NID2: variants seen among roughly 807,000 people sequenced by gnomAD.
NID2 encodes nidogen 2.
A neutral mutation model predicts 145.4 loss-of-function variants in NID2; 83 were observed. The ratio of observed to expected loss-of-function variants is 0.57; its 90% confidence interval spans 0.48 to 0.69. The LOEUF (loss-of-function observed/expected upper bound fraction) is 0.69. NID2 is among the 30% of genes least tolerant of loss of function. NID2 has a pLI of 0.00. For synonymous variants in NID2, 739 were observed against 701.3 expected (o/e 1.05, Z -0.85); for missense variants, 1,807 against 1,765.7 (o/e 1.02, Z -0.42).
intron 18 of NID2, chr14:52,009,940 C>T (rs750105772): frequency 6.6e-6 from 1 of 152,032 alleles, no homozygotes; most frequent in Non-Finnish European, 1.5e-5. Context: ...TCAGCCGAGA[C>T]TGTGCCACTG....
At chr14:52,030,572 GGAAGGGAAA>G (rs1891801363) in intron 9 of NID2, among the ~76,000 whole-genome samples, 1 of 73,486 alleles carries the variant, frequency 1.4e-5, no homozygotes, top group African/African-American at 5.3e-5. Flanking sequence ...AAGAAAGGAA[GGAAGGGAAA>G]GAAAGAAAGA....
intron 14 of NID2, among the ~76,000 whole-genome samples, chr14:52,017,451 G>A (rs1328632385): frequency 6.6e-6 from 1 of 152,072 alleles, no homozygotes; most frequent in Non-Finnish European, 1.5e-5. Flanking sequence ...GAGAGAGTGT[G>A]GGCAGGAAAA....
At chr14:52,046,578 T>C (rs1204674472) in intron 5 of NID2, among the ~76,000 whole-genome samples, 7 of 151,588 alleles carry the variant, frequency 4.6e-5, no homozygotes, top group Non-Finnish European at 1.0e-4. Context: ...TTTATCTAAG[T>C]AAAAAGAGGC....
chr14:52,068,751 A>T lies in NID2; in HGVS notation c.228+16T>A. On this transcript the variant is annotated intron_variant, in intron 1 of 21. Transcript: ENST00000216286. Reference sequence around the variant, plus strand: ...AAGAAGCTGCGGGAAAAGTGCCAGGAGGGGGCTGAACTTACGTAGAGGTTG... The same window carrying T: ...AAGAAGCTGCGGGAAAAGTGCCAGGTGGGGGCTGAACTTACGTAGAGGTTG... 4.4e-6 allele frequency: 7 copies of T among 1,589,334 alleles called. No individual in the cohort carries two copies. Among genetic ancestry groups the T allele is most frequent in the Non-Finnish European group, 6.0e-6 (7 of 1,169,828 alleles).
chr14:52,068,757 C>A lies in NID2; in HGVS notation c.228+10G>T. The A allele has an allele frequency of 1.3e-6, 2 of 1,595,236 alleles. No homozygotes were observed. The highest frequency in any genetic ancestry group is 2.2e-5 in the South Asian group (2 of 90,920). ...CTGCGGGAAAAGTGCCAGGAGGGGGCTGAACTTACGTAGAGGTTGCTGAAT... is the reference window on the plus strand; with the variant it reads ...CTGCGGGAAAAGTGCCAGGAGGGGGATGAACTTACGTAGAGGTTGCTGAAT... On this transcript the variant is annotated intron_variant, in intron 1 of 21. Transcript: ENST00000216286.
At chr14:52,040,075 G>T (rs1233265334) in intron 8 of NID2, among the ~76,000 whole-genome samples, 1 of 152,138 alleles carries the variant, frequency 6.6e-6, no homozygotes, top group East Asian at 1.9e-4. Context: ...CAAGTAGCTG[G>T]GATCGCAGGA....
chr14:52,062,200 T>C lies in NID2; in HGVS notation c.535-1844A>G, dbSNP rs149140761. On this transcript the variant is annotated intron_variant, in intron 2 of 21. Coordinates refer to ENST00000216286, the MANE Select transcript of NID2 (RefSeq NM_007361.4). ...AAAGAAATATAGATGTAACACACTT[T>C]TCAAGAGAAAATAAAATACAATCAG... Among the ~76,000 whole-genome samples, 462 of 152,366 alleles carry C rather than the reference T, an allele frequency of 3.0e-3. 3 individuals are homozygous for C. The highest frequency in any genetic ancestry group is 0.01 in the African/African-American group (425 of 41,586).
In NID2 at chr14:52,068,842, G is replaced by A. The variant is rs1893319267; in HGVS notation, c.153C>T (p.Gly51=). 6.2e-7 allele frequency: 1 copy of A among 1,612,870 alleles called. No individual in the cohort carries two copies. The highest frequency in any genetic ancestry group is 1.1e-5 in the South Asian group (1 of 91,086). Residue 51 remains glycine (G), a synonymous_variant, in exon 1 of 22, where the codon GGC becomes GGT. Coordinates refer to ENST00000216286, the MANE Select transcript of NID2 (RefSeq NM_007361.4). ...TCACCACGGCTGAGCTTTCGTCGTC[G>A]CCTTCCTGCAGGAGCTGGTCCCCCC... ...ESWGDQLLQE[G]DDESSAVVKL...
chr14:52,027,453 G>A (rs535101330), intron 11 of NID2, 109 bp from the exon 12 acceptor site: 1 of 952,424 alleles, frequency 1.0e-6, no homozygotes, highest in Non-Finnish European at 1.5e-6. Context: ...GGGAATGCAG[G>A]TTCTCAGACC....
At chr14:52,005,956 T>C in intron 20 of NID2, 107 bp from the exon 21 acceptor site, 1 of 769,672 alleles carries the variant, frequency 1.3e-6, no homozygotes, top group Non-Finnish European at 2.2e-6. Flanking sequence ...CTGGCAGCCT[T>C]CTCTGTCCCA....
rs143213136 is a variant in NID2, at chr14:52,062,339, A to C, written c.535-1983T>G. Among the ~76,000 whole-genome samples the C allele has an allele frequency of 1.8e-4, 28 of 152,318 alleles. No homozygotes were observed. In the East Asian group the frequency reaches 5.4e-3, roughly 29 times the overall value. The stretch of plus-strand genomic sequence containing the variant: ...TTATTTGTTATTGTTCCAGTTGTTG[A>C]TTGTTCATCAGCAAAGCTTGACTTT... On this transcript the variant is annotated intron_variant, in intron 2 of 21. Transcript: ENST00000216286.
intron 5 of NID2, among the ~76,000 whole-genome samples, chr14:52,047,548 C>T (rs377304241): frequency 2.0e-5 from 3 of 152,082 alleles, no homozygotes; most frequent in Middle Eastern, 3.4e-3. Context: ...TAACATGCTC[C>T]GACTACAGTA....
In NID2 at chr14:52,068,958, A is replaced by G; in HGVS notation, c.37T>C (p.Ser13Pro). The stretch of plus-strand genomic sequence containing the variant: ...AGCAGCAGTAGCACTGGTAACGACG[A>G]CAGCACCGGCCGCCCGGCCACCCGG... ...GDRVAGRPVLSSLPVLLLLPL... is the reference protein window; with the variant it reads ...GDRVAGRPVLPSLPVLLLLPL... The change falls in exon 1 of 22, where the codon TCG becomes CCG. Residue 13 changes from serine to proline, a missense_variant. Transcript: ENST00000216286. 6.2e-7 allele frequency: 1 copy of G among 1,613,040 alleles called. No individual in the cohort carries two copies. The highest frequency in any genetic ancestry group is 8.5e-7 in the Non-Finnish European group (1 of 1,179,722).
intron 9 of NID2, among the ~76,000 whole-genome samples, chr14:52,038,206 CA>C (rs1426997282): frequency 1.3e-5 from 2 of 152,198 alleles, no homozygotes; most frequent in African/African-American, 4.8e-5. Flanking sequence ...AGTCTTTCAC[CA>C]TTAAGTATAA....
At chr14:52,010,671 TAAAATA>T (rs1469257933) in intron 18 of NID2, 199 bp downstream of exon 18, 1 of 529,454 alleles carries the variant, frequency 1.9e-6, no homozygotes, top group Non-Finnish European at 3.4e-6. Context: ...TTCCTCCTAA[TAAAATA>T]TAAGTGCCAT....
chr14:52,042,953 C>T, intron 5 of NID2, 22 bp from the exon 6 acceptor site: 1 of 1,613,448 alleles, frequency 6.2e-7, no homozygotes, highest in Non-Finnish European at 8.5e-7. Flanking sequence ...AACAAACTTG[C>T]CTTAAAAGGA....
chr14:52,011,087 A>G (rs751234579), intron 17 of NID2, 40 bp from the exon 18 acceptor site: 7 of 1,596,346 alleles, frequency 4.4e-6, no homozygotes, highest in African/African-American at 2.7e-5. Context: ...TGTTTGCAGG[A>G]TATGGAGGGC....
rs1330554865 is a variant in NID2 at position 52,042,118 on chromosome 14, G to A, written c.1812C>T (p.Gly604=). 2 of 1,599,220 alleles carry A rather than the reference G, an allele frequency of 1.3e-6. No homozygotes were observed. The highest frequency in any genetic ancestry group is 1.7e-6 in the Non-Finnish European group (2 of 1,171,162). The stretch of plus-strand genomic sequence containing the variant: ...GGCCCTACTCACCTGCGAGGCTGAA[G>A]CCGTTCTCAGAGCCAGGTTTTTCTA... The part of the protein sequence containing the change: ...FALEKPGSEN[G]FSLAGAAFTH... The change falls in exon 7 of 22, where the codon GGC becomes GGT. Residue 604 remains glycine, a synonymous_variant. Coordinates refer to ENST00000216286, the MANE Select transcript of NID2 (RefSeq NM_007361.4).
At chr14:52,043,529 C>T (rs543889206) in intron 5 of NID2, among the ~76,000 whole-genome samples, 7 of 152,282 alleles carry the variant, frequency 4.6e-5, no homozygotes, top group African/African-American at 1.7e-4. Context: ...ATTAAAATGC[C>T]CTATGCCCTT....
Sources: allele counts gnomAD v4.1 joint callset (sites outside exome capture counted in the v4.1 genomes callset), GRCh38; gene constraint gnomAD v4.1.1; transcripts MANE v1.5; gene names NCBI Gene and HGNC (gene_info 2026-07-23, HGNC 2026-07-21).